ATP2A3: variants seen among roughly 807,000 people sequenced by gnomAD.
ATP2A3 encodes the protein ATPase sarcoplasmic/endoplasmic reticulum Ca2+ transporting 3.
Under a neutral mutation model 106.8 loss-of-function variants are expected in ATP2A3, and 61 were observed. That is an observed-to-expected ratio of 0.57 (90% CI 0.46 to 0.71). The LOEUF (loss-of-function observed/expected upper bound fraction) is 0.71, where lower values mean the gene tolerates loss of function less well. ATP2A3 is among the 30% of genes least tolerant of loss of function. ATP2A3 has a pLI of 0.00. For missense variants in ATP2A3, 1,201 were observed against 1,423.5 expected (o/e 0.84, Z 2.52); for synonymous variants, 611 against 609.3 (o/e 1.00, Z -0.04).
In ATP2A3 at chr17:3,945,071, G is replaced by C; in HGVS notation, c.1173C>G (p.Pro391=). ...GGCCCCGCACTCACACTTCGCCCTC[G>C]GGGGTATACGTGGTACCCGAGATGG... The part of the protein sequence containing the change: ...EFTISGTTYT[P]EGEVRQGDQP... Residue 391 remains proline, a synonymous_variant, in exon 9 of 21, where the codon CCC becomes CCG. Coordinates refer to ENST00000397041, the MANE Select transcript of ATP2A3 (RefSeq NM_005173.4). The C allele has an allele frequency of 6.5e-7, 1 of 1,544,228 alleles. No individual in the cohort carries two copies. Among genetic ancestry groups the C allele is most frequent in the Non-Finnish European group, 8.7e-7 (1 of 1,144,042 alleles).
rs1450871003 is a variant in ATP2A3 at position 3,944,689 on chromosome 17, G to T, written c.1287+15C>A. 2 of 1,610,972 alleles carry T rather than the reference G, an allele frequency of 1.2e-6. No homozygotes were observed. Among genetic ancestry groups the T allele is most frequent in the East Asian group, 4.5e-5 (2 of 44,822 alleles). On this transcript the variant is annotated intron_variant, in intron 10 of 20. Coordinates refer to ENST00000397041, the MANE Select transcript of ATP2A3 (RefSeq NM_005173.4). Reference sequence around the variant, plus strand: ...CCTGGATACTAGGGAGGTCATGAAAGGGGGTGAGGCCCACCTCGTTGTAGT... The same window carrying T: ...CCTGGATACTAGGGAGGTCATGAAATGGGGTGAGGCCCACCTCGTTGTAGT...
rs867716241 is a variant in ATP2A3, at chr17:3,964,211, C to A, written c.81G>T (p.Ala27=). The change falls in exon 1 of 21, where the codon GCG becomes GCT. Residue 27 remains alanine (A), a synonymous_variant. Coordinates refer to ENST00000397041, the MANE Select transcript of ATP2A3 (RefSeq NM_005173.4). ...SVTAEGGLSP[A]QVTGARERYG... is the part of the protein sequence containing the mutation. ...AGCGCTCCCGCGCGCCGGTCACCTG[C>A]GCCGGGCTCAGGCCGCCCTCGGCTG... The A allele has an allele frequency of 7.9e-7, 1 of 1,266,818 alleles. No homozygotes were observed. The highest frequency in any genetic ancestry group is 1.0e-6 in the Non-Finnish European group (1 of 994,514). The allele number at this position is 1,266,818 out of a possible 1,614,324, so 78.5% of individuals were successfully genotyped here.
chr17:3,953,442 G>A lies in ATP2A3; in HGVS notation c.137-13C>T. On this transcript the variant is annotated splice_polypyrimidine_tract_variant and intron_variant, in intron 2 of 20. Transcript: ENST00000397041. This position sits in a 1 kb window ranked among gnomAD's most constrained non-coding sequence, Gnocchi z 5.1. The stretch of plus-strand genomic sequence containing the variant: ...CACAGGGACTTCCCTGGGAACGGGG[G>A]TCATGTGTGAGGCTGGGCCCCCACC... 6.2e-7 allele frequency: 1 copy of A among 1,613,594 alleles called. No individual in the cohort carries two copies. Among genetic ancestry groups the A allele is most frequent in the Non-Finnish European group, 8.5e-7 (1 of 1,179,774 alleles).
At chr17:3,957,110 T>G (rs1170046974) in intron 1 of ATP2A3, among the ~76,000 whole-genome samples, 6 of 152,220 alleles carry the variant, frequency 3.9e-5, no homozygotes, top group Admixed American at 6.5e-5. Context: ...GTGAGGTGCT[T>G]AGCGGAGGTC....
rs1260598112 is a variant in ATP2A3, at chr17:3,924,687, G to C, written c.*735C>G. On this transcript the variant is annotated 3_prime_UTR_variant, in exon 21 of 21. Transcript: ENST00000397041. The surrounding 1 kb of genome is among the most constrained non-coding windows in gnomAD (Gnocchi z 6.4). The stretch of plus-strand genomic sequence containing the variant: ...AACCCTGAGTCCAGGAGGCGCGCGG[G>C]GCTGAGGCAGTCCAGCCAGGCTTTC... The C allele has an allele frequency of 2.2e-6, 1 of 453,654 alleles. No homozygotes were observed. Among genetic ancestry groups the C allele is most frequent in the Non-Finnish European group, 4.4e-6 (1 of 225,814 alleles). The allele number at this position is 453,654 out of a possible 1,614,324, so 28.1% of individuals were successfully genotyped here. A position where few individuals can be genotyped will look rare whatever the true frequency, so the allele number is the denominator to read the frequency against.
intron 16 of ATP2A3, 143 bp from the exon 17 acceptor site, chr17:3,935,420 C>A (rs148712067): frequency 1.3e-6 from 1 of 750,532 alleles, no homozygotes; most frequent in Non-Finnish European, 2.2e-6. Flanking sequence ...CACCTCCCCT[C>A]GATGCCAGTG....
intron 12 of ATP2A3, among the ~76,000 whole-genome samples, 180 bp downstream of exon 12, chr17:3,942,426 A>G (rs1197550410): frequency 3.3e-5 from 5 of 152,180 alleles, no homozygotes; most frequent in Non-Finnish European, 5.9e-5. Flanking sequence ...TTTCCAAAAC[A>G]CAGAGCACCA....
chr17:3,947,811 G>A lies in ATP2A3; in HGVS notation c.675C>T (p.Ala225=), dbSNP rs756732287. ...TSGKAVGVAV[A]TGLHTELGKI... is the part of the protein sequence containing the mutation. ...TGCCCAGCTCCGTGTGCAGGCCGGTGGCCACGGCCACACCCACCGCTTTGC... is the reference window on the plus strand; with the variant it reads ...TGCCCAGCTCCGTGTGCAGGCCGGTAGCCACGGCCACACCCACCGCTTTGC... Residue 225 remains alanine, a synonymous_variant, in exon 8 of 21, where the codon GCC becomes GCT. Coordinates refer to ENST00000397041, the MANE Select transcript of ATP2A3 (RefSeq NM_005173.4). The surrounding 1 kb of genome is among the most constrained non-coding windows in gnomAD (Gnocchi z 7.7). 6.3e-7 allele frequency: 1 copy of A among 1,599,684 alleles called. No homozygotes were observed. Among genetic ancestry groups the A allele is most frequent in the Admixed American group, 1.7e-5 (1 of 60,022 alleles).
In ATP2A3 at chr17:3,944,866, T is replaced by C. The variant is rs911297244; in HGVS notation, c.1185-60A>G. On this transcript the variant is annotated intron_variant, in intron 9 of 20. Transcript: ENST00000397041. Reference sequence around the variant, plus strand: ...GCTCCGCCCCCGAGAGGGGTCCGCCTCTTGGCCCCGCCCCTAGGAGGGGGC... The same window carrying C: ...GCTCCGCCCCCGAGAGGGGTCCGCCCCTTGGCCCCGCCCCTAGGAGGGGGC... 136 of 929,512 alleles carry C rather than the reference T, an allele frequency of 1.5e-4. No individual in the cohort carries two copies. The African/African-American group carries it at 1.7e-3, about 12-fold the overall frequency. The allele number at this position is 929,512 out of a possible 1,614,324, so 57.6% of individuals were successfully genotyped here.
intron 17 of ATP2A3, among the ~76,000 whole-genome samples, chr17:3,932,012 C>G (rs914141282): frequency 6.6e-6 from 1 of 152,178 alleles, no homozygotes; most frequent in Non-Finnish European, 1.5e-5. Context: ...GAGAAATAAG[C>G]CTGGCTAGAT....
chr17:3,945,904 A>G lies in ATP2A3; in HGVS notation c.1096-756T>C, dbSNP rs985069937. ...GGCAGTCACCCAGCAAGCACAGCCC[A>G]GCATCCAGCACGTAAGGCCCCTACA... On this transcript the variant is annotated intron_variant, in intron 8 of 20. Coordinates refer to ENST00000397041, the MANE Select transcript of ATP2A3 (RefSeq NM_005173.4). Among the ~76,000 whole-genome samples, 10 of 152,352 alleles carry G rather than the reference A, an allele frequency of 6.6e-5. No homozygotes were observed. The South Asian group carries it at 2.1e-3, about 32-fold the overall frequency.
chr17:3,936,914 C>T lies in ATP2A3; in HGVS notation c.2322-445G>A, dbSNP rs914078315. On this transcript the variant is annotated intron_variant, in intron 15 of 20. Coordinates refer to ENST00000397041, the MANE Select transcript of ATP2A3 (RefSeq NM_005173.4). This position sits in a 1 kb window ranked among gnomAD's most constrained non-coding sequence, Gnocchi z 5.4. The stretch of plus-strand genomic sequence containing the variant: ...CAACACACACGCTCACCATTCCCCA[C>T]AGGCATCCTCACATGTGAATACGAG... 1 of 326,162 alleles carries T rather than the reference C, an allele frequency of 3.1e-6. No individual in the cohort carries two copies. Among genetic ancestry groups the T allele is most frequent in the South Asian group, 2.7e-5 (1 of 36,526 alleles). The allele number at this position is 326,162 out of a possible 1,614,324, so 20.2% of individuals were successfully genotyped here. A position where few individuals can be genotyped will look rare whatever the true frequency, so the allele number is the denominator to read the frequency against.
In ATP2A3 at chr17:3,935,225, G is replaced by A. The variant is rs766233289; in HGVS notation, c.2577C>T (p.Asp859=). The change falls in exon 17 of 21, where the codon GAC becomes GAT. Residue 859 remains aspartate, a synonymous_variant. Coordinates refer to ENST00000397041, the MANE Select transcript of ATP2A3 (RefSeq NM_005173.4). ...VAAATWWFVY[D]AEGPHINFYQ... is the part of the protein sequence containing the mutation. ...AGAAGTTGATGTGAGGTCCCTCGGC[G>A]TCATACACAAACCACCAGGTGGCGG... 1.4e-5 allele frequency: 22 copies of A among 1,613,846 alleles called. No homozygotes were observed. Among genetic ancestry groups the A allele is most frequent in the East Asian group, 2.2e-5 (1 of 44,896 alleles).
chr17:3,963,904 G>A (rs921137456), intron 1 of ATP2A3, among the ~76,000 whole-genome samples: 1 of 152,138 alleles, frequency 6.6e-6, no homozygotes, highest in African/African-American at 2.4e-5. Context: ...GACGGGGCCG[G>A]AGTGGAGGTG....
At chr17:3,954,790 G>A (rs2144697692) in intron 1 of ATP2A3, among the ~76,000 whole-genome samples, 1 of 152,268 alleles carries the variant, frequency 6.6e-6, no homozygotes, top group African/African-American at 2.4e-5. Context: ...CCACCGCCCA[G>A]GCCTAGGTGC....
Position 3,953,278 on chromosome 17 carries a change from C to G in ATP2A3, c.219+69G>C. On this transcript the variant is annotated intron_variant, in intron 3 of 20. Transcript: ENST00000397041. The surrounding 1 kb of genome is among the most constrained non-coding windows in gnomAD (Gnocchi z 5.1). ...AGGCCCAGGCTCCAGGACCTCGGAG[C>G]ACTGCCCAGCCTGGCTCTCCCTCCA... is the stretch of plus-strand genomic sequence containing the variant. The G allele has an allele frequency of 6.5e-7, 1 of 1,545,564 alleles. No homozygotes were observed. The highest frequency in any genetic ancestry group is 8.9e-7 in the Non-Finnish European group (1 of 1,118,538).
In ATP2A3 at chr17:3,941,513, C is replaced by A; in HGVS notation, c.1687G>T (p.Ala563Ser). ...GGGGGCGCGTCCCGGGTGGCCAGTG[C>A]CAGGCAGCGCAGCGTGTCTGAGCCT... ...GSGSDTLRCL[A>S]LATRDAPPRK... Residue 563 changes from alanine to serine, a missense_variant, in exon 13 of 21, where the codon GCA becomes TCA. Physicochemically the swap from Ala to Ser is moderately conservative, Grantham distance 99 (BLOSUM62 1). Coordinates refer to ENST00000397041, the MANE Select transcript of ATP2A3 (RefSeq NM_005173.4). The A allele has an allele frequency of 6.2e-7, 1 of 1,613,794 alleles. No homozygotes were observed. The highest frequency in any genetic ancestry group is 8.5e-7 in the Non-Finnish European group (1 of 1,179,896).
chr17:3,926,937 C>G lies in ATP2A3; in HGVS notation c.2981-1496G>C, dbSNP rs1157847656. 2 of 985,468 alleles carry G rather than the reference C, an allele frequency of 2.0e-6. No homozygotes were observed. Among genetic ancestry groups the G allele is most frequent in the Non-Finnish European group, 1.2e-6 (1 of 829,932 alleles). 61.0% of individuals were successfully genotyped at this position (985,468 alleles called of 1,614,324 possible). ...GTCCGCACCGTGCTTACACTCCTCCCGTGCTTCCCCACTGCCCTGAGGACA... is the reference window on the plus strand; with the variant it reads ...GTCCGCACCGTGCTTACACTCCTCCGGTGCTTCCCCACTGCCCTGAGGACA... On this transcript the variant is annotated intron_variant, in intron 20 of 20. Transcript: ENST00000397041. The surrounding 1 kb of genome is among the most constrained non-coding windows in gnomAD (Gnocchi z 4.6).
intron 12 of ATP2A3, 142 bp downstream of exon 12, chr17:3,942,464 C>G (rs1442002857): frequency 3.9e-6 from 5 of 1,284,072 alleles, no homozygotes; most frequent in Non-Finnish European, 5.2e-6. Context: ...CCCTACACCA[C>G]CGGTTAGAGG....
Sources: gnomAD v4.1 joint callset for allele counts (sites outside exome capture counted in the v4.1 genomes callset) on GRCh38, gnomAD v4.1.1 for gene constraint, Gnocchi (gnomAD v3.1) non-coding constraint, MANE v1.5 for transcripts, NCBI Gene and HGNC (gene_info 2026-07-23, HGNC 2026-07-21) for gene names.